Variants in RARB observed in about 807,000 individuals in gnomAD.
The protein encoded by RARB is retinoic acid receptor beta, also known as HBV-activated protein.
RARB carries 17 observed loss-of-function variants against 51.9 expected under a neutral mutation model. That is an observed-to-expected ratio of 0.33 (90% CI 0.22 to 0.49). The LOEUF (loss-of-function observed/expected upper bound fraction) is 0.49. RARB is among the 20% of genes least tolerant of loss of function. The pLI is 0.99. For missense variants in RARB, 369 were observed against 550.8 expected, an observed-to-expected ratio of 0.67 and a Z score of 3.30; for synonymous variants, 215 against 195.4, an observed-to-expected ratio of 1.10 and a Z score of -0.84.
chr3:25,316,129 C>A (rs993436401), intron 5 of RARB, among the ~76,000 whole-genome samples: 3 of 152,098 alleles, frequency 2.0e-5, no homozygotes, highest in Non-Finnish European at 4.4e-5. Flanking sequence ...TGTCTATTGT[C>A]TGTATAAGCT....
chr3:24,917,112 A>G (rs1031120395), intron 2 of RARB, among the ~76,000 whole-genome samples: 2 of 152,224 alleles, frequency 1.3e-5, no homozygotes, highest in South Asian at 4.1e-4. Context: ...AAATTTTATA[A>G]TGAAGTCTTG....
At chr3:25,047,362 A>G (rs1698238941) in intron 2 of RARB, among the ~76,000 whole-genome samples, 1 of 152,212 alleles carries the variant, frequency 6.6e-6, no homozygotes, top group East Asian at 1.9e-4. Flanking sequence ...GTTCCAGCCC[A>G]TCAGGTACTT....
intron 5 of RARB, among the ~76,000 whole-genome samples, chr3:25,344,019 T>C (rs1705312446): frequency 6.6e-6 from 1 of 152,150 alleles, no homozygotes; most frequent in Admixed American, 6.5e-5. Flanking sequence ...ATTTGGCAAA[T>C]GGAGACCAAA....
At chr3:25,507,677 G>A (rs1697679755) in intron 3 of RARB, among the ~76,000 whole-genome samples, 1 of 152,164 alleles carries the variant, frequency 6.6e-6, no homozygotes, top group Non-Finnish European at 1.5e-5. Flanking sequence ...CATGTATTGG[G>A]GTTTGGACCT....
chr3:25,469,015 G>A (rs959257065), intron 2 of RARB, among the ~76,000 whole-genome samples: 1 of 152,192 alleles, frequency 6.6e-6, no homozygotes, highest in Non-Finnish European at 1.5e-5. Context: ...CACATTGGTA[G>A]CCTTCTATTT....
At chr3:25,124,233 G>T (rs1361437117) in intron 3 of RARB, among the ~76,000 whole-genome samples, 1 of 152,140 alleles carries the variant, frequency 6.6e-6, no homozygotes, top group Non-Finnish European at 1.5e-5. Context: ...AATTAGCTGG[G>T]TGTCATGGCA....
At chr3:25,545,870 G>A (rs543735544) in intron 3 of RARB, among the ~76,000 whole-genome samples, 1 of 152,300 alleles carries the variant, frequency 6.6e-6, no homozygotes, top group East Asian at 1.9e-4. Context: ...ATATCTTTTG[G>A]GTGGGTTTGG....
chr3:25,034,738 G>C (rs144640243), intron 2 of RARB, among the ~76,000 whole-genome samples: 82 of 152,060 alleles, frequency 5.4e-4, no homozygotes, highest in South Asian at 1.2e-3. Context: ...ACAATGTTTT[G>C]GCTCACAGAA....
At chr3:25,462,173 A>C (rs1247962239) in intron 2 of RARB, 4 of 152,236 alleles carry the variant, frequency 2.6e-5, no homozygotes, top group Non-Finnish European at 5.9e-5. Context: ...AGCTGGATTT[A>C]AAATTCCTGC....
intron 5 of RARB, among the ~76,000 whole-genome samples, chr3:25,317,546 T>C (rs1207140090): frequency 6.6e-6 from 1 of 151,842 alleles, no homozygotes; most frequent in African/African-American, 2.4e-5. Context: ...TATCTAGGAG[T>C]GTCAATAACA....
At chr3:25,114,498 A>T (rs1400602690) in intron 3 of RARB, among the ~76,000 whole-genome samples, 1 of 152,172 alleles carries the variant, frequency 6.6e-6, no homozygotes, top group Non-Finnish European at 1.5e-5. Context: ...GTGCTCCAGG[A>T]TGTGTAACTT....
intron 5 of RARB, among the ~76,000 whole-genome samples, chr3:25,193,910 CAGTT>C (rs61404784): frequency 0.84 from 127,166 of 151,408 alleles, 53,569 homozygotes; most frequent in East Asian, 0.96. Context: ...TGTAATTAAT[CAGTT>C]AGTAAGATGA....
At chr3:25,253,674 C>T (rs530219440) in intron 5 of RARB, among the ~76,000 whole-genome samples, 3 of 152,192 alleles carry the variant, frequency 2.0e-5, no homozygotes, top group African/African-American at 4.8e-5. Flanking sequence ...ATAAATACAG[C>T]AGGTCAGGAT....
At chr3:24,845,930 G>T (rs375233028) in intron 1 of RARB, among the ~76,000 whole-genome samples, 22 of 152,166 alleles carry the variant, frequency 1.4e-4, no homozygotes, top group African/African-American at 5.1e-4. Context: ...GTGCTTTTAC[G>T]GTTTACACTA....
At chr3:25,055,771 G>A (rs191154092) in intron 2 of RARB, among the ~76,000 whole-genome samples, 3 of 152,092 alleles carry the variant, frequency 2.0e-5, no homozygotes, top group East Asian at 3.9e-4. Context: ...GGCATACCCC[G>A]GAATCATCAC....
intron 2 of RARB, among the ~76,000 whole-genome samples, chr3:25,475,288 C>G (rs531318504): frequency 6.6e-6 from 1 of 151,982 alleles, no homozygotes. Context: ...TTCTCCACTA[C>G]GTACACTATC....
At chr3:25,178,305 AG>A (rs1044438702) in intron 5 of RARB, among the ~76,000 whole-genome samples, 3 of 152,070 alleles carry the variant, frequency 2.0e-5, no homozygotes, top group African/African-American at 7.2e-5. Context: ...ATACGAAAAA[AG>A]GGGGAGTTAA....
intron 2 of RARB, among the ~76,000 whole-genome samples, chr3:24,888,913 C>G (rs1703318049): frequency 6.6e-6 from 1 of 152,188 alleles, no homozygotes; most frequent in South Asian, 2.1e-4. Context: ...GTTCACTTTA[C>G]TTTATAACTG....
chr3:25,383,922 C>G (rs1196455416), intron 5 of RARB, among the ~76,000 whole-genome samples: 1 of 130,104 alleles, frequency 7.7e-6, no homozygotes, highest in Non-Finnish European at 1.6e-5. Flanking sequence ...AAGAGTGAGA[C>G]TTTGTCTCAA....
Sources: allele counts gnomAD v4.1 joint callset (sites outside exome capture counted in the v4.1 genomes callset), GRCh38; gene constraint gnomAD v4.1.1; transcripts MANE v1.5; gene names NCBI Gene and HGNC (gene_info 2026-07-23, HGNC 2026-07-21).